Variants in PASD1 observed in about 807,000 individuals in gnomAD.
PASD1 encodes the protein circadian clock protein PASD1.
PASD1 carries 13 observed loss-of-function variants against 58.8 expected under a neutral mutation model. The observed-to-expected ratio is 0.22, with a 90% CI of 0.14 to 0.35. The LOEUF is 0.35. Ranked by LOEUF, PASD1 falls within the 10% of genes least tolerant of loss-of-function variation. PASD1 has a pLI of 1.00. For missense variants in PASD1, 734 were observed against 568.3 expected (o/e 1.29, Z -2.96); for synonymous variants, 236 against 216.7 (o/e 1.09, Z -0.78).
At chrX:151,601,191 C>T (rs1429993929) in intron 1 of PASD1, among the ~76,000 whole-genome samples, 1 of 110,868 alleles carries the variant, frequency 9.0e-6, no homozygotes. Context: ...AATTAAAACA[C>T]AAATTAAGGG....
chrX:151,575,209 AT>A (rs771942172), intron 1 of PASD1, among the ~76,000 whole-genome samples: 764 of 54,529 alleles, frequency 0.014, 7 homozygotes, highest in African/African-American at 0.042. Context: ...GTTTAAGACC[AT>A]TTTTTTTTTG....
intron 8 of PASD1, among the ~76,000 whole-genome samples, chrX:151,634,240 C>T (rs112084134): frequency 1.3e-3 from 147 of 111,359 alleles, no homozygotes; most frequent in African/African-American, 4.4e-3. Flanking sequence ...CTTCTCTCAA[C>T]TTCTCCCCAT....
chrX:151,618,172 A>C (rs1330948732), intron 4 of PASD1, among the ~76,000 whole-genome samples: 1 of 112,019 alleles, frequency 8.9e-6, no homozygotes, highest in Non-Finnish European at 1.9e-5. Context: ...AGATTAAGGT[A>C]ATATTTCTAT....
intron 3 of PASD1, among the ~76,000 whole-genome samples, chrX:151,609,376 A>T (rs1192706186): frequency 8.9e-6 from 1 of 111,926 alleles, no homozygotes; most frequent in Non-Finnish European, 1.9e-5. Flanking sequence ...CATTAAGTAC[A>T]TTCACATTAT....
intron 1 of PASD1, among the ~76,000 whole-genome samples, chrX:151,578,484 A>G (rs2013043009): frequency 8.9e-6 from 1 of 112,554 alleles, no homozygotes; most frequent in Non-Finnish European, 1.9e-5. Context: ...ACAACTGGTC[A>G]TGAATGCTTT....
chrX:151,662,206 C>T (rs1238741213), intron 10 of PASD1, among the ~76,000 whole-genome samples: 1 of 111,280 alleles, frequency 9.0e-6, no homozygotes, highest in African/African-American at 3.3e-5. Flanking sequence ...CCTTGTCTCT[C>T]TTTCATTCAT....
At chrX:151,579,787 T>C (rs1171288815) in intron 1 of PASD1, among the ~76,000 whole-genome samples, 1 of 112,152 alleles carries the variant, frequency 8.9e-6, no homozygotes, top group East Asian at 2.8e-4. Context: ...TTATTTTTCT[T>C]GTTAGACAAG....
intron 11 of PASD1, among the ~76,000 whole-genome samples, chrX:151,665,835 T>G (rs1284591761): frequency 9.3e-6 from 1 of 108,071 alleles, no homozygotes; most frequent in African/African-American, 3.4e-5. Flanking sequence ...CTTCTAGTCC[T>G]GAGTTTAGAG....
intron 9 of PASD1, among the ~76,000 whole-genome samples, chrX:151,649,510 G>C (rs2014104801): frequency 9.0e-6 from 1 of 111,635 alleles, no homozygotes; most frequent in Admixed American, 9.5e-5. Context: ...TCTCTGCCAG[G>C]CTACCTCATG....
chrX:151,612,167 C>G (rs1011851796), intron 4 of PASD1, among the ~76,000 whole-genome samples: 2 of 82,452 alleles, frequency 2.4e-5, no homozygotes, highest in African/African-American at 9.5e-5. Flanking sequence ...TTTATGGCTG[C>G]ATAGTATTCC....
At position 151,625,485 on chromosome X, in the gene PASD1, T is replaced by C. The variant is rs200605581; in HGVS notation, c.584T>C (p.Val195Ala). ...TCAAAGGCAGTCAGTGATGAAGCTG[T>C]ACTTACACAAGATTCAGATGAGGAA... ...YTSKAVSDEA[V>A]LTQDSDEEPF... is the part of the protein sequence containing the mutation. The change falls in exon 8 of 16, where the codon GTA becomes GCA. Residue 195 changes from valine (V) to alanine (A), a missense_variant. By Grantham distance (64) the Val-to-Ala change is moderately conservative. Coordinates refer to ENST00000370357, the MANE Select transcript of PASD1 (RefSeq NM_173493.3). 1.2e-4 allele frequency: 149 copies of C among 1,208,578 alleles called. No individual in the cohort carries two copies. The highest frequency in any genetic ancestry group is 1.6e-4 in the Non-Finnish European group (141 of 894,357).
intron 3 of PASD1, among the ~76,000 whole-genome samples, chrX:151,609,194 T>C (rs1326114961): frequency 8.9e-6 from 1 of 111,938 alleles, no homozygotes; most frequent in African/African-American, 3.2e-5. Flanking sequence ...TTCCCAAGTG[T>C]TGTTTTAGCT....
intron 9 of PASD1, among the ~76,000 whole-genome samples, chrX:151,650,834 G>A (rs2014119893): frequency 8.9e-6 from 1 of 111,776 alleles, no homozygotes; most frequent in Non-Finnish European, 1.9e-5. Flanking sequence ...CCACATTGCA[G>A]AGAGGGAGAA....
At chrX:151,622,866 G>T in intron 6 of PASD1, 71 bp from the exon 7 acceptor site, 1 of 1,070,100 alleles carries the variant, frequency 9.3e-7, no homozygotes, top group Non-Finnish European at 1.3e-6. Flanking sequence ...GCACATGGAT[G>T]TGTCAGGTAT....
rs765950168 is a variant in PASD1 at position 151,672,223 on chromosome X, A to AGCGGCAGCTGCGGGAGCAGCT, written c.1481_1501dup (p.Arg494_Leu500dup). ...CAAGAACAACACCTGAAGGAGCAGC[A>AGCGGCAGCTGCGGGAGCAGCT]GCGGCAGCTGCGGGAGCAGCTGCAA... is the stretch of plus-strand genomic sequence containing the variant. On this transcript the variant is annotated inframe_insertion, in exon 14 of 16. Coordinates refer to ENST00000370357, the MANE Select transcript of PASD1 (RefSeq NM_173493.3). 175 of 1,136,620 alleles carry AGCGGCAGCTGCGGGAGCAGCT rather than the reference A, an allele frequency of 1.5e-4. No homozygotes were observed. Among genetic ancestry groups the AGCGGCAGCTGCGGGAGCAGCT allele is most frequent in the Non-Finnish European group, 2.0e-4 (169 of 850,853 alleles). 93.7% of individuals were successfully genotyped at this position (1,136,620 alleles called of 1,213,427 possible).
Position 151,636,411 on chromosome X carries a change from T to G in PASD1, c.629+10881T>G, listed in dbSNP as rs1482487190. Reference sequence around the variant, plus strand: ...TATTTTCTTTTTCTTTCTTTCTTTTTTTTAATTTGTTGAGAAATTTCTCGC... The same window carrying G: ...TATTTTCTTTTTCTTTCTTTCTTTTGTTTAATTTGTTGAGAAATTTCTCGC... On this transcript the variant is annotated intron_variant, in intron 8 of 15. Coordinates refer to ENST00000370357, the MANE Select transcript of PASD1 (RefSeq NM_173493.3). Among the ~76,000 whole-genome samples, 4 of 112,250 alleles carry G rather than the reference T, an allele frequency of 3.6e-5. No homozygotes were observed. In the East Asian group the frequency reaches 1.1e-3, roughly 31 times the overall value.
intron 8 of PASD1, among the ~76,000 whole-genome samples, chrX:151,628,314 T>C (rs1324375157): frequency 8.9e-6 from 1 of 112,340 alleles, no homozygotes; most frequent in Non-Finnish European, 1.9e-5. Context: ...GTCTAGGTTT[T>C]CTTCTAGAGT....
At chrX:151,575,436 A>G (rs1401325231) in intron 1 of PASD1, among the ~76,000 whole-genome samples, 1 of 111,381 alleles carries the variant, frequency 9.0e-6, no homozygotes, top group South Asian at 3.8e-4. Flanking sequence ...TTCTAAGATG[A>G]TCTGGATAGA....
intron 1 of PASD1, among the ~76,000 whole-genome samples, chrX:151,582,286 G>A (rs754306460): frequency 4.5e-5 from 5 of 110,469 alleles, no homozygotes; most frequent in East Asian, 2.9e-4. Flanking sequence ...CCTGGCCCCC[G>A]CTTTTTTTTG....
Sources: allele counts gnomAD v4.1 joint callset (sites outside exome capture counted in the v4.1 genomes callset), GRCh38; gene constraint gnomAD v4.1.1; transcripts MANE v1.5; gene names NCBI Gene and HGNC (gene_info 2026-07-23, HGNC 2026-07-21).